The following ANKRD26 variants were observed in gnomAD, a reference collection of about 807,000 sequenced individuals.
ANKRD26 encodes the protein ankyrin repeat domain-containing protein 26.
ANKRD26 carries 141 observed loss-of-function variants against 208.7 expected under a neutral mutation model. The observed-to-expected ratio is 0.68, with a 90% CI of 0.59 to 0.78. The LOEUF is 0.78. Ranked by LOEUF, ANKRD26 falls within the 30% of genes least tolerant of loss-of-function variation. ANKRD26 has a pLI of 0.00. For missense variants in ANKRD26, 1,889 were observed against 1,938.7 expected (o/e 0.97, Z 0.48); for synonymous variants, 636 against 660.4 (o/e 0.96, Z 0.57).
chr10:27,022,644 ATTCAT>A lies in ANKRD26; in HGVS notation c.4124_4128del (p.Asn1375IlefsTer2). On this transcript the variant is annotated frameshift_variant, in exon 29 of 34. Transcript: ENST00000376087. LOFTEE classifies it high-confidence loss of function. Reference sequence around the variant, plus strand: ...TGGAAACTAAATTCTCCATTTTCATATTCATTTAACTTCTTTCTTGTCATTTTTAA... The same window carrying A: ...TGGAAACTAAATTCTCCATTTTCATATTAACTTCTTTCTTGTCATTTTTAA... 6.3e-7 allele frequency: 1 copy of A among 1,581,092 alleles called. No individual in the cohort carries two copies. The highest frequency in any genetic ancestry group is 8.7e-7 in the Non-Finnish European group (1 of 1,154,848).
In ANKRD26 at chr10:27,029,331, G is replaced by A; in HGVS notation, c.3833C>T (p.Thr1278Ile). Residue 1278 changes from threonine to isoleucine, a missense_variant, in exon 26 of 34, where the codon ACA becomes ATA. Around this residue, in one of 3 missense-constraint regions of ANKRD26, gnomAD observed 613 missense variants for 648.2 expected, o/e 0.95. Transcript: ENST00000376087. ...NQLQEAQDRHTEAVRCAEKMQ... is the reference protein window; with the variant it reads ...NQLQEAQDRHIEAVRCAEKMQ... The stretch of plus-strand genomic sequence containing the variant: ...CTTCTCAGCACATCTGACAGCTTCT[G>A]TATGTCGATCCTGTGCTTCTTGCAA... The A allele has an allele frequency of 6.2e-7, 1 of 1,612,678 alleles. No individual in the cohort carries two copies. Among genetic ancestry groups the A allele is most frequent in the Non-Finnish European group, 8.5e-7 (1 of 1,179,304 alleles).
chr10:26,967,739 T>C, the ANKRD26 span, among the ~76,000 whole-genome samples: 1 of 152,198 alleles, frequency 6.6e-6, no homozygotes, highest in Non-Finnish European at 1.5e-5. Flanking sequence ...ACCTATATTG[T>C]GAGTGCTTCC....
chr10:27,077,418 A>T lies in ANKRD26; in HGVS notation c.997T>A (p.Phe333Ile). The T allele has an allele frequency of 6.2e-7, 1 of 1,614,108 alleles. No homozygotes were observed. Among genetic ancestry groups the T allele is most frequent in the Middle Eastern group, 1.7e-4 (1 of 6,060 alleles). Reference sequence around the variant, plus strand: ...GGTGATTGATAGGTAGGATGAGAAAAGCACTGGACTTTGATTGATGTTGTA... The same window carrying T: ...GGTGATTGATAGGTAGGATGAGAAATGCACTGGACTTTGATTGATGTTGTA... ...LPTTSIKVQC[F>I]SHPTYQSPDL... Residue 333 changes from phenylalanine (F) to isoleucine (I), a missense_variant, in exon 9 of 34, where the codon TTT becomes ATT. Coordinates refer to ENST00000376087, the MANE Select transcript of ANKRD26 (RefSeq NM_014915.3).
intron 5 of ANKRD26, chr10:26,994,906 GA>G (rs1469011162): frequency 2.7e-6 from 1 of 364,450 alleles, no homozygotes; most frequent in East Asian, 7.4e-5. Context: ...TCGGGTCAGG[GA>G]AATCAACTTG....
At chr10:27,025,160 C>G (rs61851037) in intron 27 of ANKRD26, among the ~76,000 whole-genome samples, 9,549 of 102,238 alleles carry the variant, frequency 0.093, 455 homozygotes, top group Middle Eastern at 0.19. Context: ...CCATTGGACT[C>G]TCTTTTTTGT....
intron 7 of ANKRD26, among the ~76,000 whole-genome samples, chr10:27,078,698 C>G (rs1308471351): frequency 6.6e-6 from 1 of 152,062 alleles, no homozygotes; most frequent in Non-Finnish European, 1.5e-5. Flanking sequence ...CTGTAACATT[C>G]TTACTACAGA....
chr10:26,972,031 C>T (rs186430970), downstream of ANKRD26, among the ~76,000 whole-genome samples: 2,468 of 152,040 alleles, frequency 0.016, 147 homozygotes, highest in South Asian at 0.14. Context: ...GTCAGGAGAT[C>T]GAGACCATCC....
intron 5 of ANKRD26, among the ~76,000 whole-genome samples, chr10:27,084,139 G>C (rs1478116050): frequency 6.7e-6 from 1 of 149,238 alleles, no homozygotes; most frequent in East Asian, 2.0e-4. Context: ...CTTGAACCCA[G>C]AAGGCGGAGG....
chr10:27,051,121 T>A, intron 16 of ANKRD26: 1 of 1,289,844 alleles, frequency 7.8e-7, no homozygotes, highest in South Asian at 1.2e-5. Context: ...AACATGCCTA[T>A]CTCATTTTTA....
chr10:27,097,542 G>C (rs1244343657), intron 1 of ANKRD26, among the ~76,000 whole-genome samples: 5 of 152,116 alleles, frequency 3.3e-5, no homozygotes, highest in Admixed American at 6.5e-5. Flanking sequence ...TAAATGGATT[G>C]AAAGAATGGA....
At chr10:26,996,318 T>C (rs992491473) in intron 4 of ANKRD26, among the ~76,000 whole-genome samples, 1 of 152,100 alleles carries the variant, frequency 6.6e-6, no homozygotes, top group Non-Finnish European at 1.5e-5. Context: ...TCCCAGCACT[T>C]TGGGAGGCCA....
At chr10:27,069,341 CT>C (rs1215424058) in intron 9 of ANKRD26, among the ~76,000 whole-genome samples, 1 of 151,980 alleles carries the variant, frequency 6.6e-6, no homozygotes, top group East Asian at 1.9e-4. Flanking sequence ...GTGCTACTTC[CT>C]AGGTGTTATT....
intron 32 of ANKRD26, among the ~76,000 whole-genome samples, chr10:27,007,830 C>T (rs1020792140): frequency 3.3e-5 from 5 of 151,900 alleles, no homozygotes; most frequent in Non-Finnish European, 7.4e-5. Context: ...TAAATATTAT[C>T]CTATCTATAT....
At chr10:26,993,209 A>G (rs532969309) in intron 5 of ANKRD26, among the ~76,000 whole-genome samples, 2 of 152,326 alleles carry the variant, frequency 1.3e-5, no homozygotes, top group South Asian at 4.1e-4. Context: ...CTCGTGCCCA[A>G]GCTTAATCTA....
chr10:27,029,435 C>T lies in ANKRD26; in HGVS notation c.3808-79G>A, dbSNP rs1186639632. ...TCCATTACCTGTTTTTGTAACTAAA[C>T]CTTATCGGAACACAGTCATACCCCT... is the stretch of plus-strand genomic sequence containing the variant. On this transcript the variant is annotated intron_variant, in intron 25 of 33. Coordinates refer to ENST00000376087, the MANE Select transcript of ANKRD26 (RefSeq NM_014915.3). 16 of 1,367,372 alleles carry T rather than the reference C, an allele frequency of 1.2e-5. No homozygotes were observed. The East Asian group carries it at 2.4e-4, about 20-fold the overall frequency. The allele number at this position is 1,367,372 out of a possible 1,614,324, so 84.7% of individuals were successfully genotyped here.
intron 5 of ANKRD26, 131 bp from the exon 6 acceptor site, chr10:27,082,964 T>C: frequency 7.9e-7 from 1 of 1,266,364 alleles, no homozygotes; most frequent in East Asian, 2.7e-5. Context: ...ATAGAATTAA[T>C]ATCCTCTATA....
At chr10:27,061,724 C>G (rs1042870704) in intron 12 of ANKRD26, among the ~76,000 whole-genome samples, 12 of 151,944 alleles carry the variant, frequency 7.9e-5, no homozygotes, top group African/African-American at 2.9e-4. Context: ...TGCACCACCA[C>G]GCCTAATTTT....
At chr10:27,074,743 T>C (rs914459257) in intron 9 of ANKRD26, among the ~76,000 whole-genome samples, 16 of 151,912 alleles carry the variant, frequency 1.1e-4, no homozygotes, top group African/African-American at 3.6e-4. Flanking sequence ...GTAAGAACTT[T>C]AGGGTTTGAA....
rs1408559760 is a variant in ANKRD26 at position 27,077,458 on chromosome 10, C to T, written c.957G>A (p.Val319=). Residue 319 remains valine, a synonymous_variant, in exon 9 of 34, where the codon GTG becomes GTA. Transcript: ENST00000376087. Reference sequence around the variant, plus strand: ...TTGATGTTGTAGGAAGGCTTTCAACCACAACTTCATCTTGACTATCGGAAT... The same window carrying T: ...TTGATGTTGTAGGAAGGCTTTCAACTACAACTTCATCTTGACTATCGGAAT... ...DRDSDSQDEV[V]VESLPTTSIK... 1.2e-6 allele frequency: 2 copies of T among 1,613,896 alleles called. No individual in the cohort carries two copies. The highest frequency in any genetic ancestry group is 3.3e-5 in the Admixed American group (2 of 59,944).
Sources: gnomAD v4.1 joint callset for allele counts (sites outside exome capture counted in the v4.1 genomes callset) on GRCh38, gnomAD v4.1.1 for gene constraint, gnomAD v4.1.1 regional missense constraint, MANE v1.5 for transcripts, NCBI Gene and HGNC (gene_info 2026-07-23, HGNC 2026-07-21) for gene names.